The following DGUOK variants were observed in gnomAD, a reference collection of about 807,000 sequenced individuals.
The protein encoded by DGUOK is deoxyguanosine kinase, mitochondrial.
In DGUOK, 30 loss-of-function variants were observed where a neutral mutation model predicts 36.6. The ratio of observed to expected loss-of-function variants is 0.82; its 90% CI spans 0.61 to 1.11. The LOEUF (loss-of-function observed/expected upper bound fraction) is 1.11, where lower values mean the gene tolerates loss of function less well. Ranked by LOEUF, DGUOK falls within the 50% of genes most tolerant of loss-of-function variation. The probability of loss-of-function intolerance (pLI) is 0.00; values close to 1 mark genes in which losing one functional copy is unlikely to be tolerated. For synonymous variants in DGUOK, 145 were observed against 126.3 expected, an observed-to-expected ratio of 1.15 and a Z score of -0.99; for missense variants, 361 against 336.4, an observed-to-expected ratio of 1.07 and a Z score of -0.57.
Position 73,946,888 on chromosome 2 carries a change from G to A in DGUOK, c.425G>A (p.Arg142Lys), listed in dbSNP as rs104893631. ...QARKPVQIFE[R>K]SVYSDRYIFA... ...AGGAAGCCAGTACAGATCTTTGAGA[G>A]GTCTGTGTACAGTGACAGGTAAAAT... The change falls in exon 3 of 7, where the codon AGG (arginine) becomes AAG (lysine). Residue 142 changes from arginine (R) to lysine (K), a missense_variant. Physicochemically the swap from Arg to Lys is conservative, Grantham distance 26. Transcript: ENST00000264093. 1.1e-5 allele frequency: 17 copies of A among 1,612,556 alleles called. No homozygotes were observed. The highest frequency in any genetic ancestry group is 1.4e-5 in the Non-Finnish European group (17 of 1,179,662).
chr2:73,934,754 C>CAAA (rs70965770), intron 1 of DGUOK, among the ~76,000 whole-genome samples: 1 of 122,140 alleles, frequency 8.2e-6, no homozygotes, highest in Non-Finnish European at 1.6e-5. Flanking sequence ...GACTCTGTCT[C>CAAA]AAAAAAAAAA....
At chr2:73,944,978 A>T (rs1682183185) in intron 2 of DGUOK, among the ~76,000 whole-genome samples, 2 of 152,180 alleles carry the variant, frequency 1.3e-5, no homozygotes, top group Admixed American at 6.5e-5. Flanking sequence ...GAAGGAGGGA[A>T]ATCCCGAAAA....
intron 1 of DGUOK, among the ~76,000 whole-genome samples, chr2:73,935,301 G>A (rs1681375425): frequency 6.6e-6 from 1 of 152,194 alleles, no homozygotes; most frequent in Non-Finnish European, 1.5e-5. Context: ...CTGAGATAGT[G>A]ATATCATAAG....
intron 2 of DGUOK, among the ~76,000 whole-genome samples, chr2:73,941,832 A>G (rs1050374631): frequency 1.3e-5 from 2 of 150,754 alleles, no homozygotes; most frequent in Admixed American, 6.6e-5. Context: ...TGAGATCTTC[A>G]TCTTTGTGTA....
chr2:73,955,597 G>T (rs772933566), intron 4 of DGUOK, among the ~76,000 whole-genome samples: 1 of 152,160 alleles, frequency 6.6e-6, no homozygotes, highest in Non-Finnish European at 1.5e-5. Flanking sequence ...AGTCCTGGCC[G>T]GGCACGGTGG....
intron 3 of DGUOK, 72 bp from the exon 4 acceptor site, chr2:73,950,513 C>T (rs1682629400): frequency 1.3e-6 from 2 of 1,519,976 alleles, no homozygotes; most frequent in Non-Finnish European, 1.8e-6. Flanking sequence ...TTCTGCTTCT[C>T]TCTCTCTCTC....
chr2:73,954,233 A>G (rs1682925191), intron 4 of DGUOK, among the ~76,000 whole-genome samples: 1 of 152,056 alleles, frequency 6.6e-6, no homozygotes, highest in African/African-American at 2.4e-5. Flanking sequence ...ATTCCCAGCT[A>G]CTCAGCAGGC....
intron 1 of DGUOK, among the ~76,000 whole-genome samples, chr2:73,931,038 C>T (rs867881698): frequency 6.6e-6 from 1 of 151,940 alleles, no homozygotes; most frequent in African/African-American, 2.4e-5. Context: ...CCTCGTGATC[C>T]GCCAGCTTCG....
chr2:73,958,647 G>A, intron 6 of DGUOK, 63 bp from the exon 7 acceptor site: 3 of 1,401,780 alleles, frequency 2.1e-6, no homozygotes, highest in South Asian at 2.3e-5. Flanking sequence ...TGCATTGGGG[G>A]TGGACCATTG....
At chr2:73,933,022 ATT>A (rs10573977) in intron 1 of DGUOK, among the ~76,000 whole-genome samples, 9,324 of 152,232 alleles carry the variant, frequency 0.061, 442 homozygotes, top group African/African-American at 0.13. Flanking sequence ...TCATCTCAGC[ATT>A]TTTACCTTAT....
chr2:73,929,735 A>G (rs1289555268), intron 1 of DGUOK, among the ~76,000 whole-genome samples: 1 of 152,178 alleles, frequency 6.6e-6, no homozygotes, highest in Non-Finnish European at 1.5e-5. Flanking sequence ...TGTTTAAGTA[A>G]ATGAAGGTCT....
At position 73,946,765 on chromosome 2, in the gene DGUOK, G is replaced by A. The variant is rs1250828551; in HGVS notation, c.302G>A (p.Arg101Gln). The A allele has an allele frequency of 1.5e-5, 24 of 1,613,894 alleles. No homozygotes were observed. The highest frequency in any genetic ancestry group is 3.3e-5 in the Admixed American group (2 of 59,986). ...SLGNLLDMMY[R>Q]EPARWSYTFQ... Reference sequence around the variant, plus strand: ...GGAAACTTGCTGGATATGATGTACCGGGAGCCAGCACGATGGTCCTACACA... The same window carrying A: ...GGAAACTTGCTGGATATGATGTACCAGGAGCCAGCACGATGGTCCTACACA... Residue 101 changes from arginine (R) to glutamine (Q), a missense_variant, in exon 3 of 7, where the codon CGG (arginine) becomes CAG (glutamine). Transcript: ENST00000264093.
intron 5 of DGUOK, 50 bp from the exon 6 acceptor site, chr2:73,958,096 C>T: frequency 2.0e-6 from 3 of 1,470,006 alleles, no homozygotes; most frequent in South Asian, 2.3e-5. Flanking sequence ...AAACTTGACT[C>T]AAGTTACATT....
chr2:73,941,499 G>A (rs1454522554), intron 2 of DGUOK, among the ~76,000 whole-genome samples: 2 of 152,092 alleles, frequency 1.3e-5, no homozygotes, highest in African/African-American at 4.8e-5. Context: ...TTACATAAAT[G>A]TATAAAATAT....
intron 2 of DGUOK, among the ~76,000 whole-genome samples, chr2:73,941,591 T>G (rs1681907156): frequency 6.6e-6 from 1 of 152,238 alleles, no homozygotes; most frequent in East Asian, 1.9e-4. Flanking sequence ...TTCACAGTGA[T>G]ATCATTTTAA....
intron 1 of DGUOK, among the ~76,000 whole-genome samples, chr2:73,937,311 C>G (rs1681546202): frequency 6.6e-6 from 1 of 152,236 alleles, no homozygotes; most frequent in South Asian, 2.1e-4. Context: ...AGCCACTCCT[C>G]CATTGCTTGC....
intron 5 of DGUOK, 38 bp downstream of exon 5, chr2:73,957,278 C>A: frequency 2.0e-6 from 3 of 1,527,624 alleles, no homozygotes; most frequent in Middle Eastern, 1.7e-4. Context: ...AGACAGAGAC[C>A]TGGCTCCCAA....
chr2:73,956,764 TGAGAG>T (rs1683126418), intron 4 of DGUOK, among the ~76,000 whole-genome samples: 1 of 151,952 alleles, frequency 6.6e-6, no homozygotes, highest in African/African-American at 2.4e-5. Flanking sequence ...AGGGCAGAGG[TGAGAG>T]GAGAGGCAAG....
At chr2:73,954,611 C>G (rs1222102627) in intron 4 of DGUOK, among the ~76,000 whole-genome samples, 1 of 152,100 alleles carries the variant, frequency 6.6e-6, no homozygotes, top group Non-Finnish European at 1.5e-5. Context: ...GAGAGTGCAG[C>G]TGATCAATGT....
Sources: allele counts gnomAD v4.1 joint callset (sites outside exome capture counted in the v4.1 genomes callset), GRCh38; gene constraint gnomAD v4.1.1; transcripts MANE v1.5; gene names NCBI Gene and HGNC (gene_info 2026-07-23, HGNC 2026-07-21).